LAPTM4B: variants seen among roughly 807,000 people sequenced by gnomAD.
LAPTM4B encodes lysosomal-associated transmembrane protein 4B.
A neutral mutation model predicts 28.5 loss-of-function variants in LAPTM4B; 26 were observed. That is an observed-to-expected ratio of 0.91 (90% CI 0.67 to 1.27). The LOEUF (loss-of-function observed/expected upper bound fraction) is 1.27, where lower values mean the gene tolerates loss of function less well. Among genes scored for constraint, LAPTM4B ranks in the 50% most tolerant of loss-of-function variants. The pLI, the probability that LAPTM4B is intolerant of heterozygous loss-of-function variation, is 0.00. For missense variants in LAPTM4B, 288 were observed against 285.8 expected, an observed-to-expected ratio of 1.01 and a Z score of -0.06; for synonymous variants, 109 against 106.4, an observed-to-expected ratio of 1.02 and a Z score of -0.15.
intron 6 of LAPTM4B, among the ~76,000 whole-genome samples, chr8:97,832,842 G>A (rs1429269521): frequency 4.7e-5 from 7 of 149,882 alleles, no homozygotes; most frequent in Admixed American, 4.6e-4. Flanking sequence ...GAGTAGCTGG[G>A]ATTACAGGTG....
rs555517599 is a variant in LAPTM4B, at chr8:97,781,951, A to T, written c.99+5843A>T. Among the ~76,000 whole-genome samples the T allele has an allele frequency of 1.5e-3, 226 of 150,106 alleles. 9 individuals are homozygous for T. The South Asian group carries it at 0.047, about 31-fold the overall frequency. On this transcript the variant is annotated intron_variant, in intron 1 of 6. Coordinates refer to ENST00000521545, the MANE Select transcript of LAPTM4B (RefSeq NM_018407.6). Reference sequence around the variant, plus strand: ...TTGGGGCTATTATAAATAAAGCTGCACTGAACATTCTTGCACAAGACTTTG... The same window carrying T: ...TTGGGGCTATTATAAATAAAGCTGCTCTGAACATTCTTGCACAAGACTTTG...
intron 5 of LAPTM4B, among the ~76,000 whole-genome samples, chr8:97,823,823 G>C (rs931254340): frequency 4.0e-5 from 6 of 151,530 alleles, no homozygotes; most frequent in Non-Finnish European, 8.8e-5. Context: ...TCAGCCTCCT[G>C]AGTAGCTGGG....
chr8:97,844,166 A>G (rs895999588), intron 6 of LAPTM4B, among the ~76,000 whole-genome samples: 1 of 151,998 alleles, frequency 6.6e-6, no homozygotes, highest in Admixed American at 6.6e-5. Flanking sequence ...ATCATGACTC[A>G]TTGCAGCCTC....
chr8:97,836,485 A>G (rs1348184233), intron 6 of LAPTM4B, among the ~76,000 whole-genome samples: 1 of 152,120 alleles, frequency 6.6e-6, no homozygotes, highest in Non-Finnish European at 1.5e-5. Context: ...CCGGCCATAA[A>G]TTAAGGTTTT....
intron 6 of LAPTM4B, among the ~76,000 whole-genome samples, chr8:97,846,327 ATTT>A (rs57959152): frequency 0.17 from 24,156 of 138,774 alleles, 1,986 homozygotes; most frequent in East Asian, 0.23. Context: ...AGAGTATCCA[ATTT>A]TTTTTTTTTT....
At chr8:97,781,278 CTTTTTTTT>C (rs71271147) in intron 1 of LAPTM4B, among the ~76,000 whole-genome samples, 43 of 50,846 alleles carry the variant, frequency 8.5e-4, no homozygotes, top group African/African-American at 3.9e-3. Flanking sequence ...TGTGCCCGGC[CTTTTTTTT>C]TTTTTTTTTT....
At position 97,799,233 on chromosome 8, in the gene LAPTM4B, T is replaced by G. The variant is rs188288683; in HGVS notation, c.100-6120T>G. ...ATGCCCTATTACTTCTTAGCCAGACTATTGTAGGTGTTTCCAGGGTCAAAG... is the reference window on the plus strand; with the variant it reads ...ATGCCCTATTACTTCTTAGCCAGACGATTGTAGGTGTTTCCAGGGTCAAAG... On this transcript the variant is annotated intron_variant, in intron 1 of 6. Transcript: ENST00000521545. Among the ~76,000 whole-genome samples the G allele has an allele frequency of 2.1e-3, 324 of 152,346 alleles. 1 individual carries two copies. The highest frequency in any genetic ancestry group is 7.4e-3 in the African/African-American group (307 of 41,578).
At chr8:97,848,117 C>G (rs1817460188) in intron 6 of LAPTM4B, among the ~76,000 whole-genome samples, 1 of 151,754 alleles carries the variant, frequency 6.6e-6, no homozygotes, top group South Asian at 2.1e-4. Context: ...TAAAAATTAG[C>G]CGGGTGTAGT....
intron 6 of LAPTM4B, among the ~76,000 whole-genome samples, chr8:97,849,914 C>T (rs1048651058): frequency 2.6e-5 from 4 of 151,856 alleles, no homozygotes; most frequent in East Asian, 3.9e-4. Context: ...GCGGTGGCAG[C>T]GCCTCTCAGG....
chr8:97,828,209 T>C (rs898021975), intron 6 of LAPTM4B, among the ~76,000 whole-genome samples: 1 of 150,610 alleles, frequency 6.6e-6, no homozygotes, highest in Admixed American at 6.6e-5. Context: ...ATTTTGGGGG[T>C]GGTATGGAGG....
At chr8:97,793,564 T>C (rs1157239899) in intron 1 of LAPTM4B, among the ~76,000 whole-genome samples, 1 of 152,232 alleles carries the variant, frequency 6.6e-6, no homozygotes, top group African/African-American at 2.4e-5. Context: ...AAGAGTGATG[T>C]CAACATCATC....
Position 97,835,478 on chromosome 8 carries a change from A to C in LAPTM4B, c.603+10325A>C, listed in dbSNP as rs185919659. Among the ~76,000 whole-genome samples the C allele has an allele frequency of 4.3e-4, 65 of 152,350 alleles. 1 individual carries two copies. Among genetic ancestry groups the C allele is most frequent in the African/African-American group, 1.6e-3 (65 of 41,592 alleles). On this transcript the variant is annotated intron_variant, in intron 6 of 6. Transcript: ENST00000521545. ...AAAGGAATGCGTAACGCAGAAGGTC[A>C]CAAACTCTGTTCATAATGCTTTAGA... is the stretch of plus-strand genomic sequence containing the variant.
chr8:97,820,917 G>A (rs563782261), intron 5 of LAPTM4B, among the ~76,000 whole-genome samples: 7 of 151,960 alleles, frequency 4.6e-5, no homozygotes, highest in African/African-American at 1.2e-4. Context: ...TAGTAGAGAC[G>A]GGTTTCACCA....
intron 4 of LAPTM4B, among the ~76,000 whole-genome samples, chr8:97,817,444 A>C (rs72673416): frequency 0.3 from 24,872 of 81,560 alleles, 2,977 homozygotes; most frequent in Middle Eastern, 0.48. Flanking sequence ...GGCCAACTTT[A>C]CTTTTTTTTT....
At chr8:97,792,159 C>G (rs1010750352) in intron 1 of LAPTM4B, among the ~76,000 whole-genome samples, 1 of 152,216 alleles carries the variant, frequency 6.6e-6, no homozygotes, top group African/African-American at 2.4e-5. Flanking sequence ...CAGCAACTTA[C>G]AACATGGCCG....
At chr8:97,834,258 C>T (rs781564611) in intron 6 of LAPTM4B, among the ~76,000 whole-genome samples, 3 of 151,934 alleles carry the variant, frequency 2.0e-5, no homozygotes, top group South Asian at 2.1e-4. Context: ...GAGCTGTGAT[C>T]GTGCCACTGC....
chr8:97,830,129 TAGG>T (rs1373867655), intron 6 of LAPTM4B, among the ~76,000 whole-genome samples: 1 of 151,822 alleles, frequency 6.6e-6, no homozygotes, highest in Non-Finnish European at 1.5e-5. Flanking sequence ...AGCTGTGTAG[TAGG>T]AGGAAGAGAG....
intron 5 of LAPTM4B, among the ~76,000 whole-genome samples, chr8:97,821,372 C>T (rs1816998584): frequency 1.3e-5 from 2 of 151,804 alleles, no homozygotes; most frequent in African/African-American, 4.8e-5. Flanking sequence ...AACACCAGGT[C>T]GTGGGGGTTG....
rs188168759 is a variant in LAPTM4B, at chr8:97,781,459, G to C, written c.99+5351G>C. Among the ~76,000 whole-genome samples, 4 of 150,198 alleles carry C rather than the reference G, an allele frequency of 2.7e-5. No individual in the cohort carries two copies. In the East Asian group the frequency reaches 7.8e-4, roughly 29 times the overall value. On this transcript the variant is annotated intron_variant, in intron 1 of 6. Coordinates refer to ENST00000521545, the MANE Select transcript of LAPTM4B (RefSeq NM_018407.6). ...CGCTTGGCTAATTTTTGTTTTCCTA[G>C]TAGAGACAGGGTTTCATTATGTTGG...
Sources: allele counts gnomAD v4.1 joint callset (sites outside exome capture counted in the v4.1 genomes callset), GRCh38; gene constraint gnomAD v4.1.1; transcripts MANE v1.5; gene names NCBI Gene and HGNC (gene_info 2026-07-23, HGNC 2026-07-21).